The following SLC25A26 variants were observed in gnomAD, a reference collection of about 807,000 sequenced individuals.
SLC25A26 encodes the protein mitochondrial S-adenosylmethionine carrier protein.
Under a neutral mutation model 37.8 loss-of-function variants are expected in SLC25A26, and 36 were observed. The observed-to-expected ratio is 0.95, with a 90% CI of 0.73 to 1.26. SLC25A26 has a LOEUF of 1.26. SLC25A26 is among the 50% of genes most tolerant of loss of function. The pLI, the probability that SLC25A26 is intolerant of heterozygous loss-of-function variation, is 0.00. For synonymous variants in SLC25A26, 129 were observed against 122.5 expected (o/e 1.05, Z -0.35); for missense variants, 390 against 331.1 (o/e 1.18, Z -1.38).
chr3:66,356,113 A>G (rs1255654908), intron 6 of SLC25A26: 2 of 455,958 alleles, frequency 4.4e-6, no homozygotes, highest in African/African-American at 4.0e-5. Flanking sequence ...GAGCCAAAAC[A>G]GTTATTTTCA....
intron 5 of SLC25A26, among the ~76,000 whole-genome samples, chr3:66,344,054 A>G (rs1204516607): frequency 6.6e-6 from 1 of 152,194 alleles, no homozygotes; most frequent in East Asian, 1.9e-4. Flanking sequence ...GGCTATTGAC[A>G]TTGATCTTTT....
At chr3:66,282,051 C>CCGGACTG (rs2074362672) in intron 5 of SLC25A26, among the ~76,000 whole-genome samples, 1 of 136,956 alleles carries the variant, frequency 7.3e-6, no homozygotes, top group African/African-American at 2.9e-5. Flanking sequence ...GTCGCCCAGG[C>CCGGACTG]CGGACTGCGG....
At chr3:66,143,239 T>C (rs1196101385) in intron 1 of SLC25A26, among the ~76,000 whole-genome samples, 2 of 152,270 alleles carry the variant, frequency 1.3e-5, no homozygotes, top group Non-Finnish European at 2.9e-5. Context: ...TATTCATTTG[T>C]TGATGGACAT....
chr3:66,362,773 A>C, intron 6 of SLC25A26, 87 bp from the exon 7 acceptor site: 1 of 797,708 alleles, frequency 1.3e-6, no homozygotes, highest in Non-Finnish European at 1.9e-6. Flanking sequence ...TTCTCACTTA[A>C]GTTCCCATCC....
At chr3:66,355,748 A>G (rs1416351018) in intron 6 of SLC25A26, among the ~76,000 whole-genome samples, 2 of 152,244 alleles carry the variant, frequency 1.3e-5, no homozygotes, top group Non-Finnish European at 1.5e-5. Context: ...AAGCTACACA[A>G]TAGCTTGATC....
chr3:66,321,189 T>G (rs922693993), intron 5 of SLC25A26, among the ~76,000 whole-genome samples: 1 of 152,208 alleles, frequency 6.6e-6, no homozygotes, highest in Non-Finnish European at 1.5e-5. Flanking sequence ...TTAATGCAAA[T>G]TCTCAGGTCC....
intron 1 of SLC25A26, among the ~76,000 whole-genome samples, chr3:66,223,127 T>C (rs975710217): frequency 2.6e-5 from 4 of 152,158 alleles, no homozygotes; most frequent in African/African-American, 9.7e-5. Context: ...ACAGTTGCAA[T>C]GAATAAGTGC....
chr3:66,271,919 C>G (rs911199034), intron 5 of SLC25A26, among the ~76,000 whole-genome samples: 7 of 151,948 alleles, frequency 4.6e-5, no homozygotes, highest in African/African-American at 1.5e-4. Flanking sequence ...AGTGTAGAAA[C>G]TCATCTTTAA....
At chr3:66,333,221 T>C (rs984606894) in intron 5 of SLC25A26, among the ~76,000 whole-genome samples, 1 of 152,182 alleles carries the variant, frequency 6.6e-6, no homozygotes, top group African/African-American at 2.4e-5. Context: ...CCCAAGCAAA[T>C]ATTCTTCTGC....
At chr3:66,182,217 C>T (rs571864003) in intron 1 of SLC25A26, among the ~76,000 whole-genome samples, 230 of 152,170 alleles carry the variant, frequency 1.5e-3, no homozygotes, top group African/African-American at 5.3e-3. Flanking sequence ...AAAATGACAG[C>T]CTGAGGAAGT....
intron 7 of SLC25A26, among the ~76,000 whole-genome samples, chr3:66,366,354 A>G (rs1199573500): frequency 6.6e-6 from 1 of 152,174 alleles, no homozygotes; most frequent in African/African-American, 2.4e-5. Context: ...CTTCCCCGTT[A>G]TGACCATTAT....
chr3:66,324,794 C>A (rs2075792556), intron 5 of SLC25A26, among the ~76,000 whole-genome samples: 1 of 122,124 alleles, frequency 8.2e-6, no homozygotes, highest in Non-Finnish European at 1.7e-5. Context: ...TTTGTAAGCA[C>A]AGGTTTTTTT....
At chr3:66,305,473 G>T (rs2075191078) in intron 5 of SLC25A26, among the ~76,000 whole-genome samples, 3 of 152,206 alleles carry the variant, frequency 2.0e-5, no homozygotes, top group African/African-American at 7.2e-5. Context: ...TAATTTTTAA[G>T]CTCCAGGATA....
intron 3 of SLC25A26, among the ~76,000 whole-genome samples, chr3:66,247,424 T>A (rs1275453310): frequency 2.0e-5 from 3 of 152,134 alleles, no homozygotes; most frequent in Non-Finnish European, 2.9e-5. Context: ...CCTCTCACTT[T>A]AGCCTCCTGA....
intron 5 of SLC25A26, among the ~76,000 whole-genome samples, chr3:66,270,000 G>A (rs953599506): frequency 6.6e-6 from 1 of 152,092 alleles, no homozygotes; most frequent in East Asian, 1.9e-4. Context: ...GTTTTTCACT[G>A]CTTTAAGTTT....
At chr3:66,138,067 C>T (rs1239025622) in intron 1 of SLC25A26, among the ~76,000 whole-genome samples, 1 of 152,084 alleles carries the variant, frequency 6.6e-6, no homozygotes, top group Non-Finnish European at 1.5e-5. Flanking sequence ...CTCCTGACCT[C>T]AAGTGATCCA....
At chr3:66,241,007 A>G (rs2072557448) in intron 2 of SLC25A26, among the ~76,000 whole-genome samples, 1 of 152,138 alleles carries the variant, frequency 6.6e-6, no homozygotes, top group African/African-American at 2.4e-5. Flanking sequence ...TCGTCCTCCC[A>G]AAGTGCTGGG....
intron 1 of SLC25A26, among the ~76,000 whole-genome samples, chr3:66,161,507 G>T (rs1025915752): frequency 3.3e-5 from 5 of 152,194 alleles, no homozygotes; most frequent in African/African-American, 1.2e-4. Context: ...GACTGCTAAT[G>T]AATCCAGGGT....
At chr3:66,271,543 G>A (rs377387477) in intron 5 of SLC25A26, among the ~76,000 whole-genome samples, 1 of 152,212 alleles carries the variant, frequency 6.6e-6, no homozygotes, top group East Asian at 1.9e-4. Context: ...AAACTTTCCT[G>A]GGACAGATGG....
Sources: allele counts gnomAD v4.1 joint callset (sites outside exome capture counted in the v4.1 genomes callset), GRCh38; gene constraint gnomAD v4.1.1; transcripts MANE v1.5; gene names NCBI Gene and HGNC (gene_info 2026-07-23, HGNC 2026-07-21).